FCGRT: variants seen among roughly 807,000 people sequenced by gnomAD.
The protein encoded by FCGRT is Fc gamma receptor and transporter, also known as IgG receptor FcRn large subunit p51.
FCGRT carries 13 observed loss-of-function variants against 35.7 expected under a neutral mutation model. The ratio of observed to expected loss-of-function variants is 0.36; its 90% CI spans 0.24 to 0.58. FCGRT has a LOEUF of 0.58. FCGRT is among the 20% of genes least tolerant of loss of function. The pLI, the probability that FCGRT is intolerant of heterozygous loss-of-function variation, is 0.77. For missense variants in FCGRT, 455 were observed against 474.9 expected, an observed-to-expected ratio of 0.96 and a Z score of 0.39; for synonymous variants, 233 against 216.5, an observed-to-expected ratio of 1.08 and a Z score of -0.67.
intron 6 of FCGRT, 104 bp from the exon 7 acceptor site, chr19:49,525,906 G>A: frequency 1.2e-6 from 1 of 800,472 alleles, no homozygotes; most frequent in South Asian, 1.3e-5. Context: ...AGGGGATAGA[G>A]ACTGAGGAAG....
chr19:49,517,188 C>CA (rs1391628986), intron 4 of FCGRT, among the ~76,000 whole-genome samples: 4 of 150,782 alleles, frequency 2.7e-5, no homozygotes, highest in Admixed American at 2.6e-4. Context: ...GACCCTGTCT[C>CA]AAAAAGAAAA....
chr19:49,513,258 T>G, intron 1 of FCGRT, 129 bp from the exon 2 acceptor site: 6 of 400,460 alleles, frequency 1.5e-5, no homozygotes, highest in East Asian at 3.6e-5. Flanking sequence ...GAGGAGGGCA[T>G]TGTTGTCAGT....
intron 4 of FCGRT, among the ~76,000 whole-genome samples, chr19:49,520,210 A>T (rs1172838971): frequency 2.1e-5 from 3 of 145,788 alleles, no homozygotes; most frequent in African/African-American, 7.7e-5. Flanking sequence ...GCTCACTGCA[A>T]CCTCCACCTC....
intron 4 of FCGRT, chr19:49,516,113 G>C: frequency 2.2e-6 from 1 of 447,890 alleles, no homozygotes; most frequent in Middle Eastern, 3.3e-4. Flanking sequence ...GTGGCTCCCA[G>C]GCTGCTGGAC....
chr19:49,513,220 A>T (rs1001239971), intron 1 of FCGRT, 167 bp from the exon 2 acceptor site: 1 of 393,152 alleles, frequency 2.5e-6, no homozygotes, highest in South Asian at 1.4e-4. Flanking sequence ...ACTGAGATCC[A>T]GTTCAGGGGT....
chr19:49,512,828 GGT>G (rs2079979062), intron 1 of FCGRT, 78 bp downstream of exon 1: 1 of 155,514 alleles, frequency 6.4e-6, no homozygotes. Flanking sequence ...AGTGGCTGGG[GGT>G]CTCGACACTG....
At chr19:49,520,270 C>T (rs1346688483) in intron 4 of FCGRT, among the ~76,000 whole-genome samples, 1 of 151,420 alleles carries the variant, frequency 6.6e-6, no homozygotes, top group Non-Finnish European at 1.5e-5. Context: ...GCTGGAATTA[C>T]AGGCACACAC....
At chr19:49,519,826 C>CTTTTTTTTTTTTTTTTTTTTTTTTTTTT (rs57437959) in intron 4 of FCGRT, among the ~76,000 whole-genome samples, 1 of 116,856 alleles carries the variant, frequency 8.6e-6, no homozygotes, top group Non-Finnish European at 1.7e-5. Flanking sequence ...TTGCCTTAAT[C>CTTTTTTTTTTTTTTTTTTTTTTTTTTTT]TTTTTTTTTT....
At chr19:49,513,354 TCG>T in intron 1 of FCGRT, 31 bp from the exon 2 acceptor site, 1 of 380,730 alleles carries the variant, frequency 2.6e-6, no homozygotes, top group Non-Finnish European at 3.8e-6. Flanking sequence ...GGGCCGGGGG[TCG>T]GGAGGAGTCA....
chr19:49,513,887 C>T lies in FCGRT; in HGVS notation c.79C>T (p.His27Tyr). 1 of 1,594,336 alleles carries T rather than the reference C, an allele frequency of 6.3e-7. No individual in the cohort carries two copies. Residue 27 changes from histidine (H) to tyrosine (Y), a missense_variant, in exon 3 of 7, where the codon CAC becomes TAC. This residue lies in a region of FCGRT where 136 missense variants were observed against 158.9 expected (regional missense o/e 0.86). Coordinates refer to ENST00000221466, the MANE Select transcript of FCGRT (RefSeq NM_001136019.3). ...AGCTCTGTTTCTGTCTGCAGAAAGC[C>T]ACCTCTCCCTCCTGTACCACCTTAC... Reference protein sequence around the residue: ...LLPGSLGAESHLSLLYHLTAV... With the variant: ...LLPGSLGAESYLSLLYHLTAV...
In FCGRT at chr19:49,514,434, G is replaced by A. The variant is rs1036479769; in HGVS notation, c.549G>A (p.Pro183=). The A allele has an allele frequency of 1.3e-6, 2 of 1,583,336 alleles. No individual in the cohort carries two copies. Among genetic ancestry groups the A allele is most frequent in the Non-Finnish European group, 1.7e-6 (2 of 1,161,332 alleles). The change falls in exon 4 of 7, where the codon CCG becomes CCA. Residue 183 remains proline (P), a synonymous_variant. Transcript: ENST00000221466. ...TCACCTTCCTGCTATTCTCCTGCCC[G>A]CACCGCCTGCGGGAGCACCTGGAGA... The part of the protein sequence containing the change: ...KELTFLLFSC[P]HRLREHLERG...
At chr19:49,514,529 C>T (rs1444439798) in intron 4 of FCGRT, 43 bp downstream of exon 4, 4 of 1,497,846 alleles carry the variant, frequency 2.7e-6, no homozygotes, top group Non-Finnish European at 1.8e-6. Flanking sequence ...TCCTCTCTCC[C>T]GTCATGCCCA....
chr19:49,517,508 AAGAG>A (rs925388672), intron 4 of FCGRT, among the ~76,000 whole-genome samples: 1 of 151,314 alleles, frequency 6.6e-6, no homozygotes, highest in Admixed American at 6.6e-5. Flanking sequence ...GAAGGAAAGA[AAGAG>A]AGAGGAGAGG....
rs150009985 is a variant in FCGRT at position 49,520,397 on chromosome 19, G to A, written c.602-4110G>A. Among the ~76,000 whole-genome samples the A allele has an allele frequency of 4.6e-3, 685 of 149,700 alleles. 9 individuals are homozygous for A. Among genetic ancestry groups the A allele is most frequent in the African/African-American group, 0.016 (653 of 40,408 alleles). On this transcript the variant is annotated intron_variant, in intron 4 of 6. Coordinates refer to ENST00000221466, the MANE Select transcript of FCGRT (RefSeq NM_001136019.3). ...TTTCACTCTTATTGCGCAGGCTGGA[G>A]TACAATGGCATGATCTCAGCTCACT...
rs989589900 is a variant in FCGRT at position 49,526,208 on chromosome 19, C to T, written c.*89C>T. 49 of 871,008 alleles carry T rather than the reference C, an allele frequency of 5.6e-5. No homozygotes were observed. Among genetic ancestry groups the T allele is most frequent in the Non-Finnish European group, 7.6e-5 (40 of 525,660 alleles). 54.0% of individuals were successfully genotyped at this position (871,008 alleles called of 1,614,324 possible). On this transcript the variant is annotated 3_prime_UTR_variant, in exon 7 of 7. Coordinates refer to ENST00000221466, the MANE Select transcript of FCGRT (RefSeq NM_001136019.3). ...CTGGAACACTGGCATCTCTGAGCCT[C>T]CAGAAGGGGTTCTGGGCCTAGTTGT... is the stretch of plus-strand genomic sequence containing the variant.
rs2079985217 is a variant in FCGRT, at chr19:49,513,397, C to G, written c.-4C>G. ...CCCCTCCCGCCCCAGGTCGTCCTCT[C>G]AGCATGGGGGTCCCGCGGCCTCAGC... On this transcript the variant is annotated 5_prime_UTR_variant, in exon 2 of 7. Transcript: ENST00000221466. 1 of 1,239,142 alleles carries G rather than the reference C, an allele frequency of 8.1e-7. No individual in the cohort carries two copies. Among genetic ancestry groups the G allele is most frequent in the Non-Finnish European group, 1.0e-6 (1 of 983,734 alleles). 76.8% of individuals were successfully genotyped at this position (1,239,142 alleles called of 1,614,324 possible). A position where few individuals can be genotyped will look rare whatever the true frequency, so the allele number is the denominator to read the frequency against.
intron 4 of FCGRT, among the ~76,000 whole-genome samples, chr19:49,518,653 C>T (rs1414601441): frequency 1.3e-5 from 2 of 152,300 alleles, no homozygotes; most frequent in South Asian, 2.1e-4. Context: ...CCTGCCTCAG[C>T]GTCCCAAGTA....
chr19:49,522,649 GTC>G (rs763826136), intron 4 of FCGRT, among the ~76,000 whole-genome samples: 1 of 150,764 alleles, frequency 6.6e-6, no homozygotes, highest in Non-Finnish European at 1.5e-5. Context: ...GGTCAGGCTG[GTC>G]TCGACCTCCT....
At chr19:49,513,586 C>T in intron 2 of FCGRT, 113 bp downstream of exon 2, 1 of 566,304 alleles carries the variant, frequency 1.8e-6, no homozygotes, top group Non-Finnish European at 2.7e-6. Context: ...CCTGGCGCTG[C>T]CTTCTCCGCT....
Sources: gnomAD v4.1 joint callset for allele counts (sites outside exome capture counted in the v4.1 genomes callset) on GRCh38, gnomAD v4.1.1 for gene constraint, gnomAD v4.1.1 regional missense constraint, MANE v1.5 for transcripts, NCBI Gene and HGNC (gene_info 2026-07-23, HGNC 2026-07-21) for gene names.